ALG13: variants seen among roughly 807,000 people sequenced by gnomAD.
The protein encoded by ALG13 is ALG13 UDP-N-acetylglucosaminyltransferase subunit, also known as UDP-N-acetylglucosamine transferase subunit ALG13.
ALG13 carries 11 observed loss-of-function variants against 87.8 expected under a neutral mutation model. The observed-to-expected ratio is 0.13, with a 90% CI of 0.08 to 0.21. The LOEUF (loss-of-function observed/expected upper bound fraction) is 0.21, where lower values mean the gene tolerates loss of function less well. Among genes scored for constraint, ALG13 ranks in the 10% least tolerant of loss-of-function variants. The probability of loss-of-function intolerance (pLI) is 1.00; values close to 1 mark genes in which losing one functional copy is unlikely to be tolerated. For missense variants in ALG13, 756 were observed against 866.1 expected (o/e 0.87, Z 1.60); for synonymous variants, 320 against 306.3 (o/e 1.04, Z -0.47).
chrX:111,714,646 C>T (rs1269053101), intron 8 of ALG13, among the ~76,000 whole-genome samples: 3 of 111,491 alleles, frequency 2.7e-5, no homozygotes, highest in Non-Finnish European at 5.7e-5. Flanking sequence ...GATGTTCAAA[C>T]ATACAGAAAA....
Position 111,708,053 on chromosome X carries a change from A to G in ALG13, c.410A>G (p.Lys137Arg), listed in dbSNP as rs1393707241. 1 of 1,208,301 alleles carries G rather than the reference A, an allele frequency of 8.3e-7. No individual in the cohort carries two copies. Among genetic ancestry groups the G allele is most frequent in the African/African-American group, 1.8e-5 (1 of 57,128 alleles). Residue 137 changes from lysine (K) to arginine (R), a missense_variant, in exon 4 of 27, where the codon AAG (lysine) becomes AGG (arginine). By Grantham distance (26) the Lys-to-Arg change is conservative. Coordinates refer to ENST00000394780, the MANE Select transcript of ALG13 (RefSeq NM_001099922.3). ...CRVLTCPGQA[K>R]SIASAPGKCQ... is the part of the protein sequence containing the mutation. ...GTCCTGACTTGTCCTGGGCAAGCCA[A>G]GTCCATTGCTTCTGCTCCTGGGAAG...
intron 19 of ALG13, among the ~76,000 whole-genome samples, chrX:111,730,131 A>T (rs1250982608): frequency 2.7e-5 from 3 of 112,325 alleles, no homozygotes; most frequent in African/African-American, 9.7e-5. Context: ...GAAAAATTGG[A>T]CACAACTGAG....
At chrX:111,695,406 C>T (rs765828282) in intron 3 of ALG13, among the ~76,000 whole-genome samples, 1 of 109,720 alleles carries the variant, frequency 9.1e-6, no homozygotes, top group East Asian at 2.9e-4. Flanking sequence ...GCCTGTAATC[C>T]CAGTCGCTCA....
Position 111,711,740 on chromosome X carries a change from G to A in ALG13, c.885+15G>A. The A allele has an allele frequency of 8.4e-7, 1 of 1,193,934 alleles. No individual in the cohort carries two copies. Among genetic ancestry groups the A allele is most frequent in the East Asian group, 3.0e-5 (1 of 33,605 alleles). On this transcript the variant is annotated intron_variant, in intron 6 of 26. Coordinates refer to ENST00000394780, the MANE Select transcript of ALG13 (RefSeq NM_001099922.3). ...GAGATCCCAAGGTAAGATCAAATAT[G>A]GGGGTTTAATCTTTTCAGAGTTATT...
At chrX:111,717,749 A>ATATTTAGATTTTAAAAAT in intron 8 of ALG13, 97 bp from the exon 9 acceptor site, 1 of 559,272 alleles carries the variant, frequency 1.8e-6, no homozygotes, top group Non-Finnish European at 2.8e-6. Flanking sequence ...GTTATCAGTT[A>ATATTTAGATTTTAAAAAT]CTGACTACTG....
At chrX:111,691,276 T>A (rs1349597309) in intron 3 of ALG13, among the ~76,000 whole-genome samples, 6 of 110,036 alleles carry the variant, frequency 5.5e-5, no homozygotes, top group Non-Finnish European at 1.1e-4. Flanking sequence ...AATTTTTGTA[T>A]TTTTAGTAGA....
Position 111,757,252 on chromosome X carries a change from A to G in ALG13, c.2974-336A>G, listed in dbSNP as rs924006860. The G allele has an allele frequency of 5.0e-5, 8 of 160,150 alleles. No individual in the cohort carries two copies. The South Asian group carries it at 1.3e-3, about 25-fold the overall frequency. 13.2% of individuals were successfully genotyped at this position (160,150 alleles called of 1,213,427 possible). A position where few individuals can be genotyped will look rare whatever the true frequency, so the allele number is the denominator to read the frequency against. On this transcript the variant is annotated intron_variant, in intron 25 of 26. Transcript: ENST00000394780. ...GCCTGTATAGTATTTCATTACGGGT[A>G]TATAATTTATCCAGTTCCCTGTTGT...
intron 23 of ALG13, among the ~76,000 whole-genome samples, chrX:111,739,894 T>G (rs917709939): frequency 1.8e-5 from 2 of 112,195 alleles, no homozygotes; most frequent in Non-Finnish European, 3.8e-5. Context: ...ATAGAATATT[T>G]CTATCATCAC....
rs187417726 is a variant in ALG13 at position 111,710,741 on chromosome X, G to C, written c.835-934G>C. On this transcript the variant is annotated intron_variant, in intron 5 of 26. Transcript: ENST00000394780. ...AGATGGAGTCTTGCTCTTTCACCCA[G>C]GCTGGAGTGCAGTGGCACGATCTCG... Among the ~76,000 whole-genome samples the C allele has an allele frequency of 5.1e-3, 575 of 112,113 alleles. 2 individuals carry two copies. The highest frequency in any genetic ancestry group is 0.017 in the African/African-American group (531 of 30,864).
chrX:111,746,871 A>G (rs1244309024), intron 24 of ALG13, among the ~76,000 whole-genome samples: 1 of 111,625 alleles, frequency 9.0e-6, no homozygotes, highest in Non-Finnish European at 1.9e-5. Flanking sequence ...AACTTTATCC[A>G]TTCTGGTGAC....
At chrX:111,728,551 C>T (rs1267155053) in intron 19 of ALG13, among the ~76,000 whole-genome samples, 1 of 111,526 alleles carries the variant, frequency 9.0e-6, no homozygotes, top group Non-Finnish European at 1.9e-5. Context: ...CTGCATAGGT[C>T]TTTAGTGAGT....
intron 3 of ALG13, chrX:111,688,646 A>T (rs1450884245): frequency 3.1e-5 from 23 of 749,636 alleles, no homozygotes; most frequent in Non-Finnish European, 3.5e-5. Flanking sequence ...AGAATAATCA[A>T]AAAGGACTTA....
chrX:111,728,063 C>A, intron 18 of ALG13, 122 bp from the exon 19 acceptor site: 2 of 890,396 alleles, frequency 2.2e-6, no homozygotes, highest in Non-Finnish European at 3.2e-6. Context: ...TTACAGAGTT[C>A]TCTTACAATA....
In ALG13 at chrX:111,728,172, C is replaced by G. The variant is rs1275361604; in HGVS notation, c.2248-13C>G. 3.3e-6 allele frequency: 4 copies of G among 1,208,210 alleles called. No individual in the cohort carries two copies. Among genetic ancestry groups the G allele is most frequent in the Middle Eastern group, 2.3e-4 (1 of 4,275 alleles). ...AGTGAGAACTGCAGTGTGTGTGTGT[C>G]TCTCTGATACAGAATCATGGAGGTC... is the stretch of plus-strand genomic sequence containing the variant. On this transcript the variant is annotated splice_polypyrimidine_tract_variant and intron_variant, in intron 18 of 26. Transcript: ENST00000394780.
intron 24 of ALG13, among the ~76,000 whole-genome samples, chrX:111,750,803 C>A (rs1293497597): frequency 9.2e-6 from 1 of 108,364 alleles, no homozygotes; most frequent in Non-Finnish European, 1.9e-5. Context: ...AAGTAGCTGG[C>A]ATTACAGGCA....
intron 13 of ALG13, among the ~76,000 whole-genome samples, chrX:111,723,572 A>T (rs1941650477): frequency 9.0e-6 from 1 of 110,966 alleles, no homozygotes; most frequent in Non-Finnish European, 1.9e-5. Flanking sequence ...ACCCAGCCGA[A>T]AAAAAAAATG....
intron 23 of ALG13, among the ~76,000 whole-genome samples, chrX:111,737,888 A>T (rs746781640): frequency 6.8e-4 from 76 of 112,402 alleles, no homozygotes; most frequent in Non-Finnish European, 1.3e-3. Context: ...TTAGGACAGT[A>T]TTCCTCACTG....
At chrX:111,719,016 ATT>A (rs1192851236) in intron 10 of ALG13, among the ~76,000 whole-genome samples, 2 of 96,297 alleles carry the variant, frequency 2.1e-5, no homozygotes, top group African/African-American at 8.0e-5. Flanking sequence ...AAAGCTTACA[ATT>A]TTTTTTCTTT....
intron 3 of ALG13, among the ~76,000 whole-genome samples, chrX:111,695,487 C>T (rs1602566555): frequency 9.3e-6 from 1 of 107,314 alleles, no homozygotes; most frequent in African/African-American, 3.4e-5. Context: ...TGCGCCATTG[C>T]ACTCCAGTCT....
Sources: gnomAD v4.1 joint callset for allele counts (sites outside exome capture counted in the v4.1 genomes callset) on GRCh38, gnomAD v4.1.1 for gene constraint, MANE v1.5 for transcripts, NCBI Gene and HGNC (gene_info 2026-07-23, HGNC 2026-07-21) for gene names.